The following SPECC1L variants were observed in gnomAD, a reference collection of about 807,000 sequenced individuals.
SPECC1L encodes cytospin-A.
Under a neutral mutation model 116.8 loss-of-function variants are expected in SPECC1L, and 40 were observed. That is an observed-to-expected ratio of 0.34 (90% confidence interval 0.27 to 0.45). The LOEUF is 0.45. SPECC1L is among the 20% of genes least tolerant of loss of function. The probability of loss-of-function intolerance (pLI) is 1.00; values close to 1 mark genes in which losing one functional copy is unlikely to be tolerated. For missense variants in SPECC1L, 1,110 were observed against 1,373.6 expected (o/e 0.81, Z 3.03); for synonymous variants, 504 against 500.6 (o/e 1.01, Z -0.09).
chr22:24,403,542 C>A (rs755461946), intron 14 of SPECC1L, among the ~76,000 whole-genome samples: 1 of 152,148 alleles, frequency 6.6e-6, no homozygotes, highest in African/African-American at 2.4e-5. Flanking sequence ...TTAAAGGGCT[C>A]TGCTGGCCTC....
rs528133135 is a variant in SPECC1L, at chr22:24,341,295, T to C, written c.2652+2818T>C. 2.0e-5 allele frequency among the ~76,000 whole-genome samples: 3 copies of C among 152,322 alleles called. No homozygotes were observed. In the South Asian group the frequency reaches 6.2e-4, roughly 32 times the overall value. The stretch of plus-strand genomic sequence containing the variant: ...TGGGTGAAACCCCACAAGGATAATT[T>C]TCCAGGAACAGCCCCGCAAGAATAA... On this transcript the variant is annotated intron_variant, in intron 10 of 16. Transcript: ENST00000314328.
In SPECC1L at chr22:24,322,536, C is replaced by T; in HGVS notation, c.1556C>T (p.Thr519Ile). ...GGTGTCCAGCAGCATTTAAGCAATACTTTGAAAATGGCAGAACAAGACAAT... is the reference window on the plus strand; with the variant it reads ...GGTGTCCAGCAGCATTTAAGCAATATTTTGAAAATGGCAGAACAAGACAAT... ...LLGVQQHLSN[T>I]LKMAEQDNKE... The change falls in exon 5 of 17, where the codon ACT becomes ATT. Residue 519 changes from threonine (T) to isoleucine (I), a missense_variant. Coordinates refer to ENST00000314328, the MANE Select transcript of SPECC1L (RefSeq NM_015330.6). The T allele has an allele frequency of 6.2e-7, 1 of 1,614,160 alleles. No individual in the cohort carries two copies. Among genetic ancestry groups the T allele is most frequent in the East Asian group, 2.2e-5 (1 of 44,878 alleles).
In SPECC1L at chr22:24,369,878, A is replaced by G. The variant is rs996220531; in HGVS notation, c.3087+558A>G. On this transcript the variant is annotated intron_variant, in intron 14 of 16. Coordinates refer to ENST00000314328, the MANE Select transcript of SPECC1L (RefSeq NM_015330.6). ...GAGAGCAGACTCTAATTCTCCATAC[A>G]AAAGGGAAACCTGTAGAATTCATCC... Among the ~76,000 whole-genome samples, 5 of 152,246 alleles carry G rather than the reference A, an allele frequency of 3.3e-5. No homozygotes were observed. The South Asian group carries it at 6.2e-4, about 19-fold the overall frequency.
chr22:24,383,996 G>A (rs1427004911), intron 14 of SPECC1L, among the ~76,000 whole-genome samples: 1 of 151,426 alleles, frequency 6.6e-6, no homozygotes, highest in African/African-American at 2.4e-5. Context: ...CTTGAGCTAG[G>A]AACTCCCATA....
intron 2 of SPECC1L, among the ~76,000 whole-genome samples, chr22:24,293,962 T>C (rs1340098590): frequency 3.6e-5 from 1 of 28,076 alleles, no homozygotes; most frequent in Non-Finnish European, 7.2e-5. Context: ...GTATCTTCAG[T>C]ACAGCAGCGC....
chr22:24,311,102 T>G (rs2040452581), intron 3 of SPECC1L, among the ~76,000 whole-genome samples: 1 of 152,202 alleles, frequency 6.6e-6, no homozygotes, highest in Non-Finnish European at 1.5e-5. Context: ...GTTTCACTAG[T>G]TTATTCTTGT....
intron 9 of SPECC1L, among the ~76,000 whole-genome samples, chr22:24,335,952 G>C (rs567523491): frequency 1.3e-5 from 2 of 152,102 alleles, no homozygotes; most frequent in Admixed American, 1.3e-4. Flanking sequence ...TATGTATAAA[G>C]ATAGTATTAT....
intron 13 of SPECC1L, among the ~76,000 whole-genome samples, chr22:24,366,473 G>T (rs1010305642): frequency 6.6e-6 from 1 of 152,162 alleles, no homozygotes; most frequent in African/African-American, 2.4e-5. Context: ...GATTACAGGT[G>T]TGAGCCACCG....
chr22:24,401,897 G>A (rs896827412), intron 14 of SPECC1L, among the ~76,000 whole-genome samples: 6 of 152,076 alleles, frequency 3.9e-5, no homozygotes, highest in East Asian at 3.8e-4. Context: ...TGATTCTAGC[G>A]CACAGTGAGG....
Position 24,414,847 on chromosome 22 carries a change from G to A in SPECC1L, c.*224G>A, listed in dbSNP as rs888408248. 2.3e-5 allele frequency: 13 copies of A among 577,394 alleles called. No homozygotes were observed. The Admixed American group carries it at 3.1e-4, about 14-fold the overall frequency. The allele number at this position is 577,394 out of a possible 1,614,324, so 35.8% of individuals were successfully genotyped here. On this transcript the variant is annotated 3_prime_UTR_variant, in exon 17 of 17. Transcript: ENST00000314328. Reference sequence around the variant, plus strand: ...CATGACCCGTCCATTCAGGTCATGTGGGCTCAGCACACATCCTGCAGGCCG... The same window carrying A: ...CATGACCCGTCCATTCAGGTCATGTAGGCTCAGCACACATCCTGCAGGCCG...
chr22:24,403,542 C>G (rs755461946), intron 14 of SPECC1L, among the ~76,000 whole-genome samples: 8 of 152,148 alleles, frequency 5.3e-5, no homozygotes, highest in Admixed American at 3.3e-4. Flanking sequence ...TTAAAGGGCT[C>G]TGCTGGCCTC....
In SPECC1L at chr22:24,313,429, C is replaced by T; in HGVS notation, c.270C>T (p.Ala90=). The T allele has an allele frequency of 6.2e-7, 1 of 1,614,148 alleles. No individual in the cohort carries two copies. The highest frequency in any genetic ancestry group is 1.1e-5 in the South Asian group (1 of 91,070). ...PSAAPSASAP[A]MTTVENKSKI... is the part of the protein sequence containing the mutation. The stretch of plus-strand genomic sequence containing the variant: ...CAGCACCTTCAGCATCTGCCCCTGC[C>T]ATGACCACCGTGGAGAACAAATCCA... The change falls in exon 4 of 17, where the codon GCC becomes GCT. Residue 90 remains alanine (A), a synonymous_variant. Coordinates refer to ENST00000314328, the MANE Select transcript of SPECC1L (RefSeq NM_015330.6).
At chr22:24,412,765 C>A (rs1010677312) in intron 16 of SPECC1L, 58 bp downstream of exon 16, 2 of 1,578,206 alleles carry the variant, frequency 1.3e-6, no homozygotes, top group African/African-American at 1.3e-5. Flanking sequence ...AAGAAGAGTT[C>A]AGTCCTGTTT....
chr22:24,410,906 C>T (rs766903588), intron 14 of SPECC1L, among the ~76,000 whole-genome samples: 20 of 152,034 alleles, frequency 1.3e-4, no homozygotes, highest in Non-Finnish European at 2.1e-4. Context: ...CATTGATTAC[C>T]GGCCAGGTGC....
At chr22:24,325,926 A>G (rs2040812409) in intron 6 of SPECC1L, among the ~76,000 whole-genome samples, 1 of 152,062 alleles carries the variant, frequency 6.6e-6, no homozygotes, top group Admixed American at 6.6e-5. Flanking sequence ...CACTCCTAAC[A>G]TTTTTTGTTT....
At chr22:24,372,400 G>C (rs5760372) in intron 14 of SPECC1L, among the ~76,000 whole-genome samples, 12,090 of 152,090 alleles carry the variant, frequency 0.079, 927 homozygotes, top group African/African-American at 0.19. Context: ...ACTGGCAAAC[G>C]AAATCCAGCT....
chr22:24,273,766 A>G (rs1216983587), intron 1 of SPECC1L, among the ~76,000 whole-genome samples: 3 of 152,070 alleles, frequency 2.0e-5, no homozygotes, highest in Admixed American at 6.6e-5. Context: ...TTTATTAGAT[A>G]TAATTGTTTT....
chr22:24,389,513 T>A (rs2042225194), intron 14 of SPECC1L, among the ~76,000 whole-genome samples: 1 of 151,644 alleles, frequency 6.6e-6, no homozygotes, highest in South Asian at 2.1e-4. Flanking sequence ...TGTGGGGGCT[T>A]TCGGGTTTTT....
At chr22:24,346,591 A>G (rs918752015) in intron 10 of SPECC1L, among the ~76,000 whole-genome samples, 2 of 152,240 alleles carry the variant, frequency 1.3e-5, no homozygotes, top group African/African-American at 2.4e-5. Context: ...AACCACATTC[A>G]GAATACCAGT....
Sources: allele counts gnomAD v4.1 joint callset (sites outside exome capture counted in the v4.1 genomes callset), GRCh38; gene constraint gnomAD v4.1.1; transcripts MANE v1.5; gene names NCBI Gene and HGNC (gene_info 2026-07-23, HGNC 2026-07-21).